Variants in NAALADL2 observed in about 807,000 individuals in gnomAD.
The protein encoded by NAALADL2 is N-acetylated alpha-linked acidic dipeptidase like 2, also known as inactive N-acetylated-alpha-linked acidic dipeptidase-like protein 2.
Under a neutral mutation model 87.2 loss-of-function variants are expected in NAALADL2, and 76 were observed. The observed-to-expected ratio is 0.87, with a 90% CI of 0.72 to 1.05. The LOEUF (loss-of-function observed/expected upper bound fraction) is 1.05, where lower values mean the gene tolerates loss of function less well. Ranked by LOEUF, NAALADL2 falls within the 50% of genes least tolerant of loss-of-function variation. The pLI is 0.00. For missense variants in NAALADL2, 1,089 were observed against 945.8 expected (o/e 1.15, Z -1.99); for synonymous variants, 354 against 331.0 (o/e 1.07, Z -0.75).
intron 1 of NAALADL2, among the ~76,000 whole-genome samples, chr3:175,020,625 T>C (rs1751442663): frequency 6.6e-6 from 1 of 152,114 alleles, no homozygotes; most frequent in Non-Finnish European, 1.5e-5. Context: ...AGTGTCATCC[T>C]AACTGGCCTT....
intron 2 of NAALADL2, among the ~76,000 whole-genome samples, chr3:174,735,944 G>T (rs563250778): frequency 6.6e-6 from 1 of 152,150 alleles, no homozygotes; most frequent in African/African-American, 2.4e-5. Flanking sequence ...GTGGTGAGGG[G>T]TGTGTGAGTG....
chr3:174,741,297 A>G (rs1733735176), intron 3 of NAALADL2, among the ~76,000 whole-genome samples: 1 of 151,730 alleles, frequency 6.6e-6, no homozygotes, highest in Non-Finnish European at 1.5e-5. Flanking sequence ...TTCACTCATC[A>G]TGAGATTGAC....
At chr3:175,155,385 C>G (rs1023367260) in intron 2 of NAALADL2, among the ~76,000 whole-genome samples, 1 of 152,046 alleles carries the variant, frequency 6.6e-6, no homozygotes, top group African/African-American at 2.4e-5. Context: ...AAGTTGGCAC[C>G]GGTCCTGTCA....
intron 9 of NAALADL2, among the ~76,000 whole-genome samples, chr3:175,547,841 CCA>C (rs1713630006): frequency 6.6e-6 from 1 of 151,984 alleles, no homozygotes. Flanking sequence ...CAAATCAAAA[CCA>C]CAGTGAAACA....
At chr3:174,883,461 C>A (rs1729681151) in intron 1 of NAALADL2, among the ~76,000 whole-genome samples, 1 of 152,118 alleles carries the variant, frequency 6.6e-6, no homozygotes, top group Admixed American at 6.6e-5. Flanking sequence ...AGCGGAAATG[C>A]ACTGATCCCC....
chr3:175,747,618 A>G (rs112456083), intron 12 of NAALADL2, among the ~76,000 whole-genome samples: 3,978 of 152,130 alleles, frequency 0.026, 123 homozygotes, highest in African/African-American at 0.078. Flanking sequence ...TTGCCTTCAT[A>G]TTAATCAATT....
chr3:175,507,027 C>T (rs1582174286), intron 9 of NAALADL2, among the ~76,000 whole-genome samples: 1 of 152,014 alleles, frequency 6.6e-6, no homozygotes, highest in South Asian at 2.1e-4. Context: ...TCCTCTTCTC[C>T]CACATCCTCA....
chr3:174,890,484 GGTT>G (rs945980984), intron 1 of NAALADL2, among the ~76,000 whole-genome samples: 2 of 152,062 alleles, frequency 1.3e-5, no homozygotes, highest in African/African-American at 2.4e-5. Context: ...TAACTGTTGA[GGTT>G]GATTTTTAGA....
chr3:175,092,184 AATTTAAGCATAAATTTTAAGT>A (rs1720273347), intron 1 of NAALADL2, among the ~76,000 whole-genome samples: 2 of 150,322 alleles, frequency 1.3e-5, no homozygotes, highest in African/African-American at 2.5e-5. Context: ...ACAAATGTGA[AATTTAAGCATAAATTTTAAGT>A]ATTTAAGCAT....
chr3:174,668,316 C>T (rs1726170462), intron 2 of NAALADL2, among the ~76,000 whole-genome samples: 1 of 152,070 alleles, frequency 6.6e-6, no homozygotes, highest in Non-Finnish European at 1.5e-5. Flanking sequence ...CATTGCCTTT[C>T]ACTCCCTTGA....
rs529803558 is a variant in NAALADL2 at position 175,120,395 on chromosome 3, T to G, written c.545+23104T>G. Among the ~76,000 whole-genome samples, 3 of 151,946 alleles carry G rather than the reference T, an allele frequency of 2.0e-5. No individual in the cohort carries two copies. In the South Asian group the frequency reaches 6.2e-4, roughly 31 times the overall value. ...TCTAAATAGTGTTTGTAGAGGCATC[T>G]GGTCTTCTGTATTTAGCAGTTTACT... On this transcript the variant is annotated intron_variant, in intron 2 of 13. Transcript: ENST00000454872.
Position 175,697,352 on chromosome 3 carries a change from T to C in NAALADL2, c.1897-39954T>C, listed in dbSNP as rs189149189. Among the ~76,000 whole-genome samples the C allele has an allele frequency of 5.3e-5, 8 of 151,652 alleles. No homozygotes were observed. In the East Asian group the frequency reaches 9.7e-4, roughly 18 times the overall value. ...TTATGTGTAGGCCTTACTACCCCTT[T>C]TCTGTTGAACAACTACTTATAATGT... On this transcript the variant is annotated intron_variant, in intron 11 of 13. Transcript: ENST00000454872.
intron 2 of NAALADL2, among the ~76,000 whole-genome samples, chr3:175,175,386 C>A (rs765251118): frequency 6.6e-6 from 1 of 151,954 alleles, no homozygotes; most frequent in African/African-American, 2.4e-5. Context: ...TTTTTTGTGG[C>A]CCCATGTAGT....
chr3:174,950,098 A>G (rs554879406), intron 1 of NAALADL2, among the ~76,000 whole-genome samples: 1 of 152,270 alleles, frequency 6.6e-6, no homozygotes, highest in African/African-American at 2.4e-5. Flanking sequence ...ATCAATGACA[A>G]CAAAATAAAA....
At chr3:175,325,109 A>C (rs555034558) in intron 5 of NAALADL2, among the ~76,000 whole-genome samples, 3 of 152,318 alleles carry the variant, frequency 2.0e-5, no homozygotes, top group Non-Finnish European at 2.9e-5. Flanking sequence ...AAACTAACCC[A>C]AAAAATTATG....
intron 1 of NAALADL2, among the ~76,000 whole-genome samples, chr3:174,895,015 G>T (rs954027233): frequency 6.6e-6 from 1 of 151,976 alleles, no homozygotes; most frequent in African/African-American, 2.4e-5. Flanking sequence ...AAAACCTATG[G>T]TATACAGCAA....
chr3:175,162,227 C>T (rs1283498277), intron 2 of NAALADL2, among the ~76,000 whole-genome samples: 3 of 152,146 alleles, frequency 2.0e-5, no homozygotes, highest in African/African-American at 2.4e-5. Context: ...CTATCCCCAT[C>T]AATTAAATGC....
chr3:174,831,425 T>C (rs1722674404), intron 3 of NAALADL2, among the ~76,000 whole-genome samples: 1 of 140,292 alleles, frequency 7.1e-6, no homozygotes, highest in African/African-American at 2.8e-5. Flanking sequence ...GATTTGCATA[T>C]ATTGAACCAG....
At chr3:175,767,502 T>A (rs1432592318) in intron 13 of NAALADL2, 7 of 152,082 alleles carry the variant, frequency 4.6e-5, no homozygotes, top group Admixed American at 4.6e-4. Context: ...ATAATTTGAA[T>A]AGAATTCTAA....
Sources: allele counts gnomAD v4.1 joint callset (sites outside exome capture counted in the v4.1 genomes callset), GRCh38; gene constraint gnomAD v4.1.1; transcripts MANE v1.5; gene names NCBI Gene and HGNC (gene_info 2026-07-23, HGNC 2026-07-21).